CAPN2: variants seen among roughly 807,000 people sequenced by gnomAD.
CAPN2 encodes calpain-2 catalytic subunit.
In CAPN2, 92 loss-of-function variants were observed where a neutral mutation model predicts 102.3. The ratio of observed to expected loss-of-function variants is 0.90; its 90% CI spans 0.76 to 1.07. CAPN2 has a LOEUF of 1.07. Among genes scored for constraint, CAPN2 ranks in the 50% least tolerant of loss-of-function variants. The pLI is 0.00. For missense variants in CAPN2, 800 were observed against 909.4 expected (o/e 0.88, Z 1.55); for synonymous variants, 340 against 355.4 (o/e 0.96, Z 0.49).
At chr1:223,732,958 A>T (rs1660368891) in intron 2 of CAPN2, among the ~76,000 whole-genome samples, 1 of 152,204 alleles carries the variant, frequency 6.6e-6, no homozygotes, top group Non-Finnish European at 1.5e-5. Context: ...AGCTGTGCCT[A>T]CAAATAAAGG....
intron 2 of CAPN2, among the ~76,000 whole-genome samples, chr1:223,722,198 T>G (rs1262913482): frequency 1.3e-5 from 2 of 152,058 alleles, no homozygotes; most frequent in East Asian, 3.9e-4. Context: ...GGGTCAGATG[T>G]GCATTCCTCA....
intron 2 of CAPN2, among the ~76,000 whole-genome samples, chr1:223,722,392 A>G (rs1660076552): frequency 1.4e-5 from 2 of 147,230 alleles, no homozygotes; most frequent in African/African-American, 5.0e-5. Flanking sequence ...GGCTCAAGCA[A>G]TCCTCCCACC....
chr1:223,759,227 G>T lies in CAPN2; in HGVS notation c.1318-43G>T. On this transcript the variant is annotated intron_variant, in intron 11 of 20. Transcript: ENST00000295006. The surrounding 1 kb of genome is among the most constrained non-coding windows in gnomAD (Gnocchi z 4.6). ...GAATGAAAATGATACTTGCCTGGAG[G>T]CTTCCCCTCATCTACCCCCATGTTT... The T allele has an allele frequency of 1.9e-6, 3 of 1,543,236 alleles. No individual in the cohort carries two copies. Among genetic ancestry groups the T allele is most frequent in the Non-Finnish European group, 2.7e-6 (3 of 1,115,650 alleles).
upstream of CAPN2, chr1:223,712,535 C>T: frequency 8.1e-7 from 1 of 1,240,032 alleles, no homozygotes; most frequent in Non-Finnish European, 1.0e-6. Context: ...GCGGCGGCGC[C>T]CGCAGTGGCC....
chr1:223,732,368 A>G (rs1660359174), intron 2 of CAPN2, among the ~76,000 whole-genome samples: 3 of 152,308 alleles, frequency 2.0e-5, no homozygotes, highest in Admixed American at 1.3e-4. Flanking sequence ...TTTTATGGTT[A>G]TTTCTTGATT....
At chr1:223,744,250 A>G (rs915653460) in intron 3 of CAPN2, 32 bp downstream of exon 3, 5 of 1,399,052 alleles carry the variant, frequency 3.6e-6, no homozygotes, top group Middle Eastern at 1.8e-4. Context: ...GTGGTTCCTC[A>G]ACAGGTCCAG....
upstream of CAPN2, among the ~76,000 whole-genome samples, chr1:223,710,092 C>T (rs1251501590): frequency 2.0e-5 from 3 of 152,010 alleles, 1 homozygote; most frequent in Non-Finnish European, 1.5e-5. Flanking sequence ...CTGGCCAACA[C>T]GGTGAAACCC....
chr1:223,747,140 G>GCT lies in CAPN2; in HGVS notation c.710_711dup (p.Leu238SerfsTer23). On this transcript the variant is annotated frameshift_variant, in exon 5 of 21. Coordinates refer to ENST00000295006, the MANE Select transcript of CAPN2 (RefSeq NM_001748.5). LOFTEE classifies it high-confidence loss of function. ...ATCATCCAGAAAGCTCTGCAAAAAGGCTCTCTCCTTGGCTGCTCCATCGAC... is the reference window on the plus strand; with the variant it reads ...ATCATCCAGAAAGCTCTGCAAAAAGGCTCTCTCTCCTTGGCTGCTCCATCGAC... 6.2e-7 allele frequency: 1 copy of GCT among 1,613,732 alleles called. No homozygotes were observed. The highest frequency in any genetic ancestry group is 8.5e-7 in the Non-Finnish European group (1 of 1,179,760).
At chr1:223,709,390 G>A (rs1170715007), upstream of CAPN2, among the ~76,000 whole-genome samples, 1 of 152,184 alleles carries the variant, frequency 6.6e-6, no homozygotes, top group African/African-American at 2.4e-5. Context: ...GCAGGGTGCA[G>A]TGGCTCACAC....
In CAPN2 at chr1:223,733,977, G is replaced by C. The variant is rs532500888; in HGVS notation, c.308-10123G>C. On this transcript the variant is annotated intron_variant, in intron 2 of 20. Transcript: ENST00000295006. ...AGAGAAACGGTCCCAACTGCAGACTGGGTCCCAACTGCAGACTCGGTCCCA... is the reference window on the plus strand; with the variant it reads ...AGAGAAACGGTCCCAACTGCAGACTCGGTCCCAACTGCAGACTCGGTCCCA... Among the ~76,000 whole-genome samples, 7 of 151,520 alleles carry C rather than the reference G, an allele frequency of 4.6e-5. No homozygotes were observed. The South Asian group carries it at 1.0e-3, about 22-fold the overall frequency.
At chr1:223,752,543 C>T (rs1017883949) in intron 8 of CAPN2, among the ~76,000 whole-genome samples, 3 of 152,218 alleles carry the variant, frequency 2.0e-5, no homozygotes, top group Non-Finnish European at 4.4e-5. Flanking sequence ...ATGGGCACGG[C>T]TCCCATTTTT....
chr1:223,755,448 G>T lies in CAPN2; in HGVS notation c.1136-32G>T. 1 of 1,612,440 alleles carries T rather than the reference G, an allele frequency of 6.2e-7. No individual in the cohort carries two copies. Among genetic ancestry groups the T allele is most frequent in the Non-Finnish European group, 8.5e-7 (1 of 1,179,372 alleles). On this transcript the variant is annotated intron_variant, in intron 9 of 20. Transcript: ENST00000295006. This position sits in a 1 kb window ranked among gnomAD's most constrained non-coding sequence, Gnocchi z 4.1. ...CCCACCCCCATGCATTCCTGCTCAG[G>T]GCTGGGCTCCTCTGCCCCTTTCTGG...
At chr1:223,715,567 CT>C (rs1202959845) in intron 1 of CAPN2, among the ~76,000 whole-genome samples, 3 of 152,234 alleles carry the variant, frequency 2.0e-5, no homozygotes, top group African/African-American at 7.2e-5. Flanking sequence ...TTTCACAACA[CT>C]GGCAAGAGTG....
At chr1:223,734,417 C>T (rs1245614726) in intron 2 of CAPN2, among the ~76,000 whole-genome samples, 1 of 152,190 alleles carries the variant, frequency 6.6e-6, no homozygotes, top group Non-Finnish European at 1.5e-5. Flanking sequence ...TCCCAGGTAG[C>T]TGGGACCACA....
rs545818982 is a variant in CAPN2 at position 223,723,791 on chromosome 1, A to C, written c.307+5960A>C. The stretch of plus-strand genomic sequence containing the variant: ...GTCTCCAGCTACATCAGATGCCTGA[A>C]GAACAAATCTCTCCTTAGCTCTCCC... On this transcript the variant is annotated intron_variant, in intron 2 of 20. Coordinates refer to ENST00000295006, the MANE Select transcript of CAPN2 (RefSeq NM_001748.5). Among the ~76,000 whole-genome samples the C allele has an allele frequency of 4.6e-5, 7 of 151,322 alleles. No homozygotes were observed. The East Asian group carries it at 1.4e-3, about 30-fold the overall frequency.
chr1:223,745,451 T>A lies in CAPN2; in HGVS notation c.560+12T>A. The A allele has an allele frequency of 6.2e-7, 1 of 1,614,106 alleles. No individual in the cohort carries two copies. The highest frequency in any genetic ancestry group is 8.5e-7 in the Non-Finnish European group (1 of 1,180,002). ...AAGGCATACGCCAAGTAAGTTGCCA[T>A]CCTCCCCTGGCCCCATGGCCTTCCC... is the stretch of plus-strand genomic sequence containing the variant. On this transcript the variant is annotated intron_variant, in intron 4 of 20. Transcript: ENST00000295006.
At chr1:223,736,404 C>T (rs1025357446) in intron 2 of CAPN2, among the ~76,000 whole-genome samples, 33 of 152,166 alleles carry the variant, frequency 2.2e-4, no homozygotes, top group African/African-American at 3.4e-4. Context: ...CAGAATCAAG[C>T]GGTAAGGTCA....
At chr1:223,766,457 T>C (rs372117828) in intron 16 of CAPN2, 26 bp downstream of exon 16, 1 of 1,550,578 alleles carries the variant, frequency 6.4e-7, no homozygotes, top group Non-Finnish European at 8.9e-7. Context: ...CTCCAGGGAA[T>C]AGAGACTGGG....
At chr1:223,767,653 T>TG in intron 16 of CAPN2, among the ~76,000 whole-genome samples, 1 of 149,702 alleles carries the variant, frequency 6.7e-6, no homozygotes, top group South Asian at 2.1e-4. Context: ...TAAACATACG[T>TG]GTGCATGTGT....
Sources: gnomAD v4.1 joint callset for allele counts (sites outside exome capture counted in the v4.1 genomes callset) on GRCh38, gnomAD v4.1.1 for gene constraint, Gnocchi (gnomAD v3.1) non-coding constraint, MANE v1.5 for transcripts, NCBI Gene and HGNC (gene_info 2026-07-23, HGNC 2026-07-21) for gene names.